Variants in SAMD5 observed in about 807,000 individuals in gnomAD.
The protein encoded by SAMD5 is sterile alpha motif domain-containing protein 5.
Under a neutral mutation model 11.3 loss-of-function variants are expected in SAMD5, and 13 were observed. The ratio of observed to expected loss-of-function variants is 1.15; its 90% CI spans 0.75 to 1.83. The LOEUF (loss-of-function observed/expected upper bound fraction) is 1.83. Among genes scored for constraint, SAMD5 ranks in the 40% most tolerant of loss-of-function variants. SAMD5 has a pLI of 0.00. For synonymous variants in SAMD5, 129 were observed against 111.3 expected (o/e 1.16, Z -1.00); for missense variants, 255 against 239.1 (o/e 1.07, Z -0.44).
At chr6:147,798,368 T>C in the SAMD5 span, among the ~76,000 whole-genome samples, 1 of 150,540 alleles carries the variant, frequency 6.6e-6, no homozygotes, top group Non-Finnish European at 1.5e-5. Context: ...TTCCATGTAG[T>C]TGAGCGGTTT....
chr6:147,936,437 G>A, the SAMD5 span, among the ~76,000 whole-genome samples: 7 of 151,444 alleles, frequency 4.6e-5, no homozygotes, highest in Admixed American at 4.6e-4. Flanking sequence ...CAGGAGTGGC[G>A]AGGGGCAGTG....
chr6:147,899,085 G>A, the SAMD5 span, among the ~76,000 whole-genome samples: 10 of 150,098 alleles, frequency 6.7e-5, no homozygotes, highest in Admixed American at 6.0e-4. Flanking sequence ...GGAGGAGAAT[G>A]GCGTGAATCT....
the SAMD5 span, among the ~76,000 whole-genome samples, chr6:147,954,329 C>A: frequency 6.6e-6 from 1 of 152,184 alleles, no homozygotes; most frequent in Admixed American, 6.5e-5. Context: ...GAGATAACGT[C>A]ATGGGGTGCA....
At chr6:147,913,737 AAGAAATGTTGTGGGGG>A in the SAMD5 span, among the ~76,000 whole-genome samples, 1 of 152,280 alleles carries the variant, frequency 6.6e-6, no homozygotes, top group East Asian at 1.9e-4. Flanking sequence ...GGAACATAAG[AAGAAATGTTGTGGGGG>A]ATGGACTTGA....
chr6:147,640,490 TC>T (rs961382695), intron 1 of SAMD5, among the ~76,000 whole-genome samples: 83 of 76,928 alleles, frequency 1.1e-3, no homozygotes, highest in Admixed American at 3.1e-3. Flanking sequence ...AGAGCAAGAC[TC>T]TGTCGCAAAA....
intron 1 of SAMD5, among the ~76,000 whole-genome samples, chr6:147,674,720 T>C (rs982873564): frequency 1.3e-5 from 2 of 152,176 alleles, no homozygotes; most frequent in Non-Finnish European, 2.9e-5. Context: ...TTTCGTGTCC[T>C]GAGAGGTAGA....
chr6:147,686,764 T>A (rs1791018184), intron 1 of SAMD5, among the ~76,000 whole-genome samples: 1 of 152,134 alleles, frequency 6.6e-6, no homozygotes, highest in Non-Finnish European at 1.5e-5. Context: ...TTGAGAAGTC[T>A]AAGGCAGCAT....
At chr6:147,875,134 A>T in the SAMD5 span, among the ~76,000 whole-genome samples, 2 of 152,200 alleles carry the variant, frequency 1.3e-5, no homozygotes, top group African/African-American at 4.8e-5. Context: ...TTCTCTCATG[A>T]TTAGAAAGAC....
chr6:147,729,733 G>A, intron 1 of SAMD5: 1 of 456,286 alleles, frequency 2.2e-6, no homozygotes, highest in South Asian at 1.6e-5. Context: ...GGAAAGCTGG[G>A]AGAACATTTT....
At chr6:147,828,076 G>A in the SAMD5 span, among the ~76,000 whole-genome samples, 5 of 151,998 alleles carry the variant, frequency 3.3e-5, no homozygotes, top group African/African-American at 1.2e-4. Context: ...GTGAGCCACC[G>A]CGCCAGGCCC....
the SAMD5 span, among the ~76,000 whole-genome samples, chr6:147,813,187 G>A: frequency 6.6e-6 from 1 of 152,202 alleles, no homozygotes; most frequent in African/African-American, 2.4e-5. Context: ...AAAGGAGGGA[G>A]GTAGAGATAC....
At chr6:147,528,050 G>A (rs1168702543) in intron 1 of SAMD5, among the ~76,000 whole-genome samples, 2 of 152,056 alleles carry the variant, frequency 1.3e-5, no homozygotes, top group Non-Finnish European at 2.9e-5. Context: ...CTGTACAAGG[G>A]GGGATGCTGC....
At chr6:147,533,046 T>C (rs1256992420) in intron 1 of SAMD5, among the ~76,000 whole-genome samples, 1 of 152,008 alleles carries the variant, frequency 6.6e-6, no homozygotes, top group East Asian at 1.9e-4. Flanking sequence ...TACAGCAGAA[T>C]GAAAGCAGTG....
At chr6:147,905,550 A>T in the SAMD5 span, among the ~76,000 whole-genome samples, 2 of 152,178 alleles carry the variant, frequency 1.3e-5, no homozygotes, top group South Asian at 4.1e-4. Flanking sequence ...AAAAAAACAA[A>T]ATCACCTCTA....
At chr6:147,882,710 C>T in the SAMD5 span, among the ~76,000 whole-genome samples, 1 of 152,168 alleles carries the variant, frequency 6.6e-6, no homozygotes, top group Non-Finnish European at 1.5e-5. Context: ...TCAGGTAAGC[C>T]ATGCCGGTGT....
chr6:147,725,386 G>T (rs1411899977), intron 1 of SAMD5, among the ~76,000 whole-genome samples: 1 of 107,740 alleles, frequency 9.3e-6, no homozygotes, highest in East Asian at 2.2e-4. Flanking sequence ...GACTGACCTG[G>T]CTTTTTTTTT....
At chr6:147,886,376 A>G in the SAMD5 span, among the ~76,000 whole-genome samples, 1 of 152,200 alleles carries the variant, frequency 6.6e-6, no homozygotes, top group East Asian at 1.9e-4. Context: ...GGCATCTAAC[A>G]AAAATGAAAC....
At chr6:147,572,573 T>C (rs1789152921), downstream of SAMD5, among the ~76,000 whole-genome samples, 1 of 152,106 alleles carries the variant, frequency 6.6e-6, no homozygotes, top group African/African-American at 2.4e-5. Flanking sequence ...ACTTCTGGGC[T>C]CAAGAGATCC....
At chr6:147,769,224 C>T in the SAMD5 span, among the ~76,000 whole-genome samples, 4 of 152,306 alleles carry the variant, frequency 2.6e-5, no homozygotes, top group South Asian at 6.2e-4. Context: ...ACGTATTAGC[C>T]ATTTTTATGT....
Sources: gnomAD v4.1 joint callset for allele counts (sites outside exome capture counted in the v4.1 genomes callset) on GRCh38, gnomAD v4.1.1 for gene constraint, MANE v1.5 for transcripts, NCBI Gene and HGNC (gene_info 2026-07-23, HGNC 2026-07-21) for gene names.